The following COL14A1 variants were observed in gnomAD, a reference collection of about 807,000 sequenced individuals.
COL14A1 encodes collagen type XIV alpha 1 chain.
Under a neutral mutation model 230.3 loss-of-function variants are expected in COL14A1, and 136 were observed. That is an observed-to-expected ratio of 0.59 (90% CI 0.51 to 0.68). The LOEUF is 0.68. Ranked by LOEUF, COL14A1 falls within the 30% of genes least tolerant of loss-of-function variation. COL14A1 has a pLI of 0.00. For synonymous variants in COL14A1, 792 were observed against 784.1 expected (o/e 1.01, Z -0.17); for missense variants, 1,976 against 2,215.8 (o/e 0.89, Z 2.17).
At position 120,238,322 on chromosome 8, in the gene COL14A1, A is replaced by G. The variant is rs568450870; in HGVS notation, c.2350-5557A>G. Among the ~76,000 whole-genome samples the G allele has an allele frequency of 3.9e-5, 6 of 152,268 alleles. No homozygotes were observed. The South Asian group carries it at 1.0e-3, about 26-fold the overall frequency. On this transcript the variant is annotated intron_variant, in intron 19 of 47. Coordinates refer to ENST00000297848, the MANE Select transcript of COL14A1 (RefSeq NM_021110.4). ...TGCCCTGCCCAGAGAGGAGGAATCT[A>G]GAGAGGCAGTCTGGCTACAGTGGTT...
rs368732592 is a variant in COL14A1 at position 120,280,717 on chromosome 8, C to G, written c.3653C>G (p.Pro1218Arg). 255 of 1,613,116 alleles carry G rather than the reference C, an allele frequency of 1.6e-4. No homozygotes were observed. The highest frequency in any genetic ancestry group is 2.0e-4 in the Non-Finnish European group (241 of 1,179,704). Residue 1218 changes from proline to arginine, a missense_variant, in exon 30 of 48, where the codon CCA becomes CGA. By Grantham distance (103) the Pro-to-Arg change is moderately radical. Coordinates refer to ENST00000297848, the MANE Select transcript of COL14A1 (RefSeq NM_021110.4). ...TGTTTGTTTGGTTTTCCAGCCTGTC[C>G]AGTGGTACACAAGGATGGCATTGAT... is the stretch of plus-strand genomic sequence containing the variant. ...FVCETASATCPVVHKDGIDLA... is the reference protein window; with the variant it reads ...FVCETASATCRVVHKDGIDLA...
chr8:120,370,875 G>A, intron 47 of COL14A1: 1 of 1,307,592 alleles, frequency 7.6e-7, no homozygotes, highest in Non-Finnish European at 1.0e-6. Context: ...TAATTTTGCT[G>A]AGTTTTCAGG....
chr8:120,132,579 T>C (rs1384951931), intron 1 of COL14A1, among the ~76,000 whole-genome samples: 1 of 151,106 alleles, frequency 6.6e-6, no homozygotes, highest in Non-Finnish European at 1.5e-5. Context: ...TTTTTTTCTA[T>C]TTCTGTGAAA....
chr8:120,131,568 G>C (rs1280366475), intron 1 of COL14A1, among the ~76,000 whole-genome samples: 1 of 151,824 alleles, frequency 6.6e-6, no homozygotes, highest in African/African-American at 2.4e-5. Flanking sequence ...TTTGTTTTTT[G>C]CTTGTTGAAT....
intron 7 of COL14A1, 108 bp downstream of exon 7, chr8:120,198,038 G>A (rs1479674248): frequency 3.6e-6 from 4 of 1,114,488 alleles, no homozygotes; most frequent in Non-Finnish European, 5.1e-6. Context: ...AATTAAACTA[G>A]CACTTAGGAT....
chr8:120,223,526 C>T (rs914803645), intron 14 of COL14A1, among the ~76,000 whole-genome samples: 6 of 152,074 alleles, frequency 3.9e-5, no homozygotes, highest in East Asian at 1.9e-4. Flanking sequence ...AAAAATTAGC[C>T]GGATCTGGTG....
At chr8:120,328,147 C>T (rs539447469) in intron 40 of COL14A1, among the ~76,000 whole-genome samples, 8 of 152,258 alleles carry the variant, frequency 5.3e-5, no homozygotes, top group Middle Eastern at 3.4e-3. Context: ...TTTCTGCCCT[C>T]GAAAGAAGAA....
chr8:120,350,786 T>C (rs1483092684), intron 45 of COL14A1, among the ~76,000 whole-genome samples: 1 of 150,272 alleles, frequency 6.7e-6, no homozygotes, highest in Non-Finnish European at 1.5e-5. Context: ...ACATTAATAA[T>C]GGGAGACTTT....
rs1469026776 is a variant in COL14A1, at chr8:120,281,015, A to G, written c.3780A>G (p.Pro1260=). 2 of 1,612,154 alleles carry G rather than the reference A, an allele frequency of 1.2e-6. No homozygotes were observed. The highest frequency in any genetic ancestry group is 8.5e-7 in the Non-Finnish European group (1 of 1,179,354). ...SMEPGTFNVF[P]CYQLHKDALV... ...AGCCTGGTACCTTCAATGTGTTTCC[A>G]TGTTACCAACTCCATAAAGATGCCC... Residue 1260 remains proline, a synonymous_variant, in exon 31 of 48, where the codon CCA becomes CCG. Coordinates refer to ENST00000297848, the MANE Select transcript of COL14A1 (RefSeq NM_021110.4).
At chr8:120,132,563 A>AT (rs11371929) in intron 1 of COL14A1, among the ~76,000 whole-genome samples, 118,554 of 146,180 alleles carry the variant, frequency 0.81, 48,452 homozygotes, top group African/African-American at 0.93. Flanking sequence ...TTTGTTTAGA[A>AT]TTTTTTTTTT....
intron 4 of COL14A1, among the ~76,000 whole-genome samples, chr8:120,163,344 A>T (rs1428635428): frequency 6.6e-6 from 1 of 152,168 alleles, no homozygotes; most frequent in Non-Finnish European, 1.5e-5. Context: ...TCAAATAGTA[A>T]ATTGGGCATT....
chr8:120,206,868 G>A lies in COL14A1; in HGVS notation c.1040-75G>A, dbSNP rs1817450093. On this transcript the variant is annotated intron_variant, in intron 9 of 47. Coordinates refer to ENST00000297848, the MANE Select transcript of COL14A1 (RefSeq NM_021110.4). Reference sequence around the variant, plus strand: ...CAGCATAAAATCAATATTTATTTCTGTCTAATGAGATGTCTTAGCTTCATA... The same window carrying A: ...CAGCATAAAATCAATATTTATTTCTATCTAATGAGATGTCTTAGCTTCATA... The A allele has an allele frequency of 1.6e-5, 22 of 1,345,512 alleles. No individual in the cohort carries two copies. The South Asian group carries it at 3.4e-4, about 21-fold the overall frequency. The allele number at this position is 1,345,512 out of a possible 1,614,324, so 83.3% of individuals were successfully genotyped here.
intron 3 of COL14A1, among the ~76,000 whole-genome samples, chr8:120,160,482 T>C (rs1815627071): frequency 6.6e-6 from 1 of 152,188 alleles, no homozygotes; most frequent in Non-Finnish European, 1.5e-5. Flanking sequence ...TTCATCTGAA[T>C]GCTTCAATCC....
intron 45 of COL14A1, 69 bp from the exon 46 acceptor site, chr8:120,367,102 G>GA: frequency 3.0e-6 from 4 of 1,346,920 alleles, no homozygotes; most frequent in Non-Finnish European, 4.0e-6. Flanking sequence ...TCGAACTCCA[G>GA]AAAAATGGAA....
Position 120,136,635 on chromosome 8 carries a change from T to C in COL14A1, c.-37-11171T>C, listed in dbSNP as rs116049608. 3.3e-3 allele frequency among the ~76,000 whole-genome samples: 507 copies of C among 152,210 alleles called. 2 individuals carry two copies. Among genetic ancestry groups the C allele is most frequent in the African/African-American group, 0.012 (480 of 41,508 alleles). ...TGTTCATAAGGGTTATTCTGTGATTTTTATTTTTTGTGATGCTGTCTAGTT... is the reference window on the plus strand; with the variant it reads ...TGTTCATAAGGGTTATTCTGTGATTCTTATTTTTTGTGATGCTGTCTAGTT... On this transcript the variant is annotated intron_variant, in intron 1 of 47. Coordinates refer to ENST00000297848, the MANE Select transcript of COL14A1 (RefSeq NM_021110.4).
intron 36 of COL14A1, among the ~76,000 whole-genome samples, chr8:120,303,983 C>T (rs1820790253): frequency 6.6e-6 from 1 of 151,960 alleles, no homozygotes; most frequent in Non-Finnish European, 1.5e-5. Flanking sequence ...GTGTATGTGT[C>T]CAGGAATTTA....
chr8:120,221,502 A>G (rs1238945312), intron 14 of COL14A1, among the ~76,000 whole-genome samples: 2 of 152,084 alleles, frequency 1.3e-5, no homozygotes, highest in African/African-American at 2.4e-5. Context: ...AATATAGTCT[A>G]TTCAGCATCA....
chr8:120,328,140 C>G (rs1002461729), intron 40 of COL14A1, among the ~76,000 whole-genome samples: 1 of 152,190 alleles, frequency 6.6e-6, no homozygotes, highest in African/African-American at 2.4e-5. Context: ...ACATAATTTT[C>G]TGCCCTCGAA....
chr8:120,197,544 T>A (rs1156631537), intron 6 of COL14A1, among the ~76,000 whole-genome samples: 2 of 152,090 alleles, frequency 1.3e-5, no homozygotes, highest in Non-Finnish European at 2.9e-5. Flanking sequence ...ACAAACATGA[T>A]CAGAGTTTTT....
Sources: allele counts gnomAD v4.1 joint callset (sites outside exome capture counted in the v4.1 genomes callset), GRCh38; gene constraint gnomAD v4.1.1; transcripts MANE v1.5; gene names NCBI Gene and HGNC (gene_info 2026-07-23, HGNC 2026-07-21).